Variants in ACBD5 observed in about 807,000 individuals in gnomAD.
The protein encoded by ACBD5 is acyl-CoA-binding domain-containing protein 5.
A neutral mutation model predicts 71.8 loss-of-function variants in ACBD5; 40 were observed. The observed-to-expected ratio is 0.56, with a 90% CI of 0.43 to 0.72. The LOEUF (loss-of-function observed/expected upper bound fraction) is 0.72, where lower values mean the gene tolerates loss of function less well. Ranked by LOEUF, ACBD5 falls within the 30% of genes least tolerant of loss-of-function variation. The pLI is 0.00. For synonymous variants in ACBD5, 229 were observed against 218.6 expected (o/e 1.05, Z -0.42); for missense variants, 559 against 644.5 (o/e 0.87, Z 1.44).
At chr10:27,219,378 T>C (rs942143245) in intron 6 of ACBD5, among the ~76,000 whole-genome samples, 1 of 152,136 alleles carries the variant, frequency 6.6e-6, no homozygotes, top group African/African-American at 2.4e-5. Context: ...TGGTAAGATA[T>C]TGAGAGTCTA....
chr10:27,218,932 T>TC (rs1332472689), intron 6 of ACBD5, among the ~76,000 whole-genome samples: 1 of 152,094 alleles, frequency 6.6e-6, no homozygotes, highest in East Asian at 1.9e-4. Flanking sequence ...AAAACAGTCT[T>TC]CCCGTGTGTT....
At chr10:27,197,508 CATA>C (rs568501438) in intron 12 of ACBD5, 66 bp from the exon 13 acceptor site, 16 of 1,171,842 alleles carry the variant, frequency 1.4e-5, no homozygotes, top group Admixed American at 5.9e-5. Context: ...TGGATGGTAA[CATA>C]ATAATAATAA....
chr10:27,201,771 C>A (rs1401113825), intron 12 of ACBD5, among the ~76,000 whole-genome samples: 1 of 152,228 alleles, frequency 6.6e-6, no homozygotes, highest in Non-Finnish European at 1.5e-5. Flanking sequence ...CAAGTGCACT[C>A]CAGCCTCCAG....
At chr10:27,210,504 TC>T (rs1313772043) in intron 9 of ACBD5, among the ~76,000 whole-genome samples, 2 of 152,178 alleles carry the variant, frequency 1.3e-5, no homozygotes, top group Non-Finnish European at 2.9e-5. Context: ...ACGCCTGTAA[TC>T]CCAGCACTTT....
At chr10:27,213,049 G>C (rs7909359) in intron 8 of ACBD5, among the ~76,000 whole-genome samples, 10,613 of 152,128 alleles carry the variant, frequency 0.07, 698 homozygotes, top group African/African-American at 0.17. Flanking sequence ...AGGGTAGGTA[G>C]GTAGGAAACA....
chr10:27,185,498 T>C (rs2058649553), intron 13 of ACBD5, among the ~76,000 whole-genome samples: 1 of 150,102 alleles, frequency 6.7e-6, no homozygotes, highest in Non-Finnish European at 1.5e-5. Context: ...CCAGGCTTGG[T>C]GGTACACATC....
intron 10 of ACBD5, 99 bp downstream of exon 10, chr10:27,208,147 G>C (rs1241044127): frequency 1.5e-6 from 2 of 1,292,108 alleles, no homozygotes; most frequent in African/African-American, 2.9e-5. Flanking sequence ...AAAAAAATCA[G>C]TAAAATACAT....
chr10:27,220,569 G>C (rs1254632420), intron 5 of ACBD5: 1 of 152,162 alleles, frequency 6.6e-6, no homozygotes, highest in Non-Finnish European at 1.5e-5. Context: ...ACTGGACACT[G>C]TTTTGAGAAC....
intron 8 of ACBD5, among the ~76,000 whole-genome samples, chr10:27,212,496 G>A (rs535176433): frequency 4.6e-5 from 7 of 151,758 alleles, no homozygotes; most frequent in Admixed American, 3.3e-4. Context: ...AAGGGAATCT[G>A]AGTTTTTCAT....
intron 7 of ACBD5, among the ~76,000 whole-genome samples, chr10:27,216,165 G>C (rs1041935876): frequency 7.0e-6 from 1 of 142,092 alleles, no homozygotes; most frequent in Non-Finnish European, 1.5e-5. Context: ...TTTTGAGATG[G>C]AGTCTCGTTC....
At chr10:27,203,463 G>A (rs1564568958) in intron 12 of ACBD5, among the ~76,000 whole-genome samples, 1 of 152,210 alleles carries the variant, frequency 6.6e-6, no homozygotes, top group African/African-American at 2.4e-5. Context: ...CTCCGGATGG[G>A]CACAGTGGCT....
At chr10:27,227,579 A>G (rs1447722751) in intron 4 of ACBD5, among the ~76,000 whole-genome samples, 1 of 152,158 alleles carries the variant, frequency 6.6e-6, no homozygotes, top group Non-Finnish European at 1.5e-5. Context: ...TCAATCTGCA[A>G]AAGATGTTTA....
intron 3 of ACBD5, among the ~76,000 whole-genome samples, 199 bp from the exon 4 acceptor site, chr10:27,232,019 A>G (rs1198199406): frequency 6.6e-6 from 1 of 152,220 alleles, no homozygotes; most frequent in Non-Finnish European, 1.5e-5. Context: ...TTTAAAACAA[A>G]TAAGTATATA....
At chr10:27,206,736 G>T (rs1158923541) in intron 10 of ACBD5, among the ~76,000 whole-genome samples, 1 of 151,738 alleles carries the variant, frequency 6.6e-6, no homozygotes, top group Non-Finnish European at 1.5e-5. Context: ...GGCTGGTATC[G>T]AACTCCTGGC....
chr10:27,194,567 A>T (rs1175464665), downstream of ACBD5, among the ~76,000 whole-genome samples: 2 of 150,694 alleles, frequency 1.3e-5, no homozygotes, highest in Middle Eastern at 3.4e-3. Context: ...AGCTGAGATC[A>T]CACCACTGCA....
chr10:27,212,541 G>T (rs554132629), intron 8 of ACBD5, among the ~76,000 whole-genome samples: 3 of 147,906 alleles, frequency 2.0e-5, no homozygotes, highest in African/African-American at 4.9e-5. Flanking sequence ...CTCATTCTCA[G>T]TTTGGCCTCC....
chr10:27,224,481 G>T (rs1289731855), intron 4 of ACBD5, among the ~76,000 whole-genome samples: 2 of 152,136 alleles, frequency 1.3e-5, no homozygotes, highest in Non-Finnish European at 2.9e-5. Context: ...TTAACAATAA[G>T]GTAGCGTAGT....
intron 3 of ACBD5, chr10:27,232,373 G>T (rs2063995804): frequency 6.8e-6 from 1 of 146,982 alleles, no homozygotes. Context: ...CTGTTGCCCA[G>T]GCTGGAGTGC....
chr10:27,211,086 A>G lies in ACBD5; in HGVS notation c.937-5T>C. On this transcript the variant is annotated splice_polypyrimidine_tract_variant and splice_region_variant and intron_variant, in intron 8 of 12. Transcript: ENST00000396271. ...GGACGTAAAGCTGTCTAAAGACTAC[A>G]AATTAGAAATGACACTTAGTTAAAA... 2.5e-6 allele frequency: 4 copies of G among 1,613,716 alleles called. No homozygotes were observed. Among genetic ancestry groups the G allele is most frequent in the Non-Finnish European group, 3.4e-6 (4 of 1,179,702 alleles).
Sources: gnomAD v4.1 joint callset for allele counts (sites outside exome capture counted in the v4.1 genomes callset) on GRCh38, gnomAD v4.1.1 for gene constraint, MANE v1.5 for transcripts, NCBI Gene and HGNC (gene_info 2026-07-23, HGNC 2026-07-21) for gene names.